Variants in DDX10 observed in about 807,000 individuals in gnomAD.
DDX10 encodes the protein DEAD-box helicase 10, also known as probable ATP-dependent RNA helicase DDX10.
DDX10 carries 74 observed loss-of-function variants against 104.3 expected under a neutral mutation model. The observed-to-expected ratio is 0.71, with a 90% CI of 0.59 to 0.86. The LOEUF (loss-of-function observed/expected upper bound fraction) is 0.86. DDX10 is among the 40% of genes least tolerant of loss of function. DDX10 has a pLI of 0.00. For missense variants in DDX10, 952 were observed against 1,040.0 expected (o/e 0.92, Z 1.16); for synonymous variants, 351 against 353.4 (o/e 0.99, Z 0.08).
intron 16 of DDX10, among the ~76,000 whole-genome samples, chr11:108,883,040 G>A (rs1166431546): frequency 6.6e-6 from 1 of 152,128 alleles, no homozygotes; most frequent in African/African-American, 2.4e-5. Context: ...TAAAGGAGCA[G>A]GAAAGGGATA....
chr11:108,781,876 TA>T (rs1365504800), intron 13 of DDX10, among the ~76,000 whole-genome samples: 1 of 152,162 alleles, frequency 6.6e-6, no homozygotes, highest in Admixed American at 6.5e-5. Context: ...TTAAAGGTGT[TA>T]AAAATGCTTC....
At chr11:108,877,645 T>C (rs1863170264) in intron 16 of DDX10, among the ~76,000 whole-genome samples, 1 of 152,220 alleles carries the variant, frequency 6.6e-6, no homozygotes, top group African/African-American at 2.4e-5. Context: ...TAATTTACAC[T>C]GTCTACATTT....
chr11:108,766,272 G>A (rs538836058), intron 13 of DDX10, among the ~76,000 whole-genome samples: 5 of 152,208 alleles, frequency 3.3e-5, no homozygotes, highest in South Asian at 2.1e-4. Context: ...ATTTTGTATC[G>A]TATCCGCTGT....
At chr11:108,812,550 A>G (rs1271144522) in intron 13 of DDX10, among the ~76,000 whole-genome samples, 3 of 152,190 alleles carry the variant, frequency 2.0e-5, no homozygotes, top group Non-Finnish European at 4.4e-5. Flanking sequence ...CTGAATTGCA[A>G]TTTTGTACTT....
intron 13 of DDX10, among the ~76,000 whole-genome samples, chr11:108,731,082 C>T (rs1398240747): frequency 2.7e-5 from 4 of 149,410 alleles, no homozygotes; most frequent in East Asian, 2.0e-4. Context: ...GACGGAGTCT[C>T]GCTGTGTCAC....
At chr11:108,838,672 A>G in intron 14 of DDX10, 107 bp downstream of exon 14, 1 of 1,275,642 alleles carries the variant, frequency 7.8e-7, no homozygotes, top group Non-Finnish European at 1.1e-6. Flanking sequence ...GTTTCTCTAC[A>G]GCATGCTGGG....
At chr11:108,901,874 A>G (rs1440518733) in intron 16 of DDX10, among the ~76,000 whole-genome samples, 1 of 152,238 alleles carries the variant, frequency 6.6e-6, no homozygotes, top group Non-Finnish European at 1.5e-5. Flanking sequence ...ATCTTAAAAT[A>G]TACTAGGTAA....
intron 13 of DDX10, among the ~76,000 whole-genome samples, chr11:108,755,938 T>TTCTC (rs914600567): frequency 6.6e-6 from 1 of 150,984 alleles, no homozygotes; most frequent in Non-Finnish European, 1.5e-5. Context: ...GCCTTTTTCT[T>TTCTC]TCTCTCTCTC....
intron 13 of DDX10, among the ~76,000 whole-genome samples, chr11:108,795,820 T>C (rs906104067): frequency 3.3e-5 from 5 of 152,178 alleles, no homozygotes; most frequent in African/African-American, 1.2e-4. Context: ...CATGTGTCTT[T>C]ATAGTAGCAT....
intron 13 of DDX10, among the ~76,000 whole-genome samples, chr11:108,834,134 T>A (rs1862513944): frequency 6.6e-6 from 1 of 151,194 alleles, no homozygotes; most frequent in Non-Finnish European, 1.5e-5. Context: ...TTTTTTTTTT[T>A]TTTTTTTAAT....
At chr11:108,679,632 A>T in intron 6 of DDX10, 72 bp downstream of exon 6, 4 of 1,155,336 alleles carry the variant, frequency 3.5e-6, no homozygotes, top group Non-Finnish European at 4.8e-6. Context: ...TATTTTAAAT[A>T]TCTGTTTTCT....
intron 6 of DDX10, among the ~76,000 whole-genome samples, chr11:108,687,750 T>C (rs902208428): frequency 2.0e-5 from 3 of 152,248 alleles, no homozygotes; most frequent in Non-Finnish European, 2.9e-5. Flanking sequence ...CTTTTGATAG[T>C]GTGTTTCACA....
intron 13 of DDX10, among the ~76,000 whole-genome samples, chr11:108,800,086 C>T (rs1022540381): frequency 9.9e-5 from 15 of 151,894 alleles, no homozygotes; most frequent in African/African-American, 2.2e-4. Context: ...TACAGGCATG[C>T]GCGCCACTGC....
In DDX10 at chr11:108,838,585, TCATTTCTGAGGTG is replaced by T; in HGVS notation, c.2085+26_2085+38del. 1 of 1,598,458 alleles carries T rather than the reference TCATTTCTGAGGTG, an allele frequency of 6.3e-7. No homozygotes were observed. The stretch of plus-strand genomic sequence containing the variant: ...GGGGAGGTAAGATTCTAGAAGTGTT[TCATTTCTGAGGTG>T]CATTTGGAGTATTAGAAGAGATCGA... On this transcript the variant is annotated intron_variant, in intron 14 of 17. Coordinates refer to ENST00000322536, the MANE Select transcript of DDX10 (RefSeq NM_004398.4).
chr11:108,852,503 C>T (rs535710525), intron 16 of DDX10, among the ~76,000 whole-genome samples: 1 of 152,288 alleles, frequency 6.6e-6, no homozygotes, highest in Non-Finnish European at 1.5e-5. Flanking sequence ...ATATATTTTG[C>T]ATCTATTAAA....
chr11:108,902,801 A>G (rs1169226251), intron 16 of DDX10, among the ~76,000 whole-genome samples: 2 of 152,084 alleles, frequency 1.3e-5, no homozygotes, highest in Admixed American at 1.3e-4. Flanking sequence ...TAGATTGACC[A>G]TTTCAGAGAA....
chr11:108,666,681 C>T lies in DDX10; in HGVS notation c.186+1342C>T, dbSNP rs188033387. Among the ~76,000 whole-genome samples, 142 of 152,298 alleles carry T rather than the reference C, an allele frequency of 9.3e-4. 1 individual carries two copies. The highest frequency in any genetic ancestry group is 3.0e-3 in the African/African-American group (125 of 41,554). ...GCTGGCATTCCTTGGCCTGTGGCTG[C>T]ATAACTCCAGTCTCTGCCTTCTCCT... On this transcript the variant is annotated intron_variant, in intron 1 of 17. Transcript: ENST00000322536.
At chr11:108,900,969 C>T (rs912004807) in intron 16 of DDX10, among the ~76,000 whole-genome samples, 5 of 152,262 alleles carry the variant, frequency 3.3e-5, no homozygotes, top group African/African-American at 1.2e-4. Context: ...CTACATGTTC[C>T]ATTCCTCATT....
At chr11:108,718,084 G>C (rs1474890766) in intron 11 of DDX10, among the ~76,000 whole-genome samples, 1 of 151,964 alleles carries the variant, frequency 6.6e-6, no homozygotes, top group African/African-American at 2.4e-5. Context: ...AGAATTCCTT[G>C]AACCCTGGAA....
Sources: allele counts gnomAD v4.1 joint callset (sites outside exome capture counted in the v4.1 genomes callset), GRCh38; gene constraint gnomAD v4.1.1; transcripts MANE v1.5; gene names NCBI Gene and HGNC (gene_info 2026-07-23, HGNC 2026-07-21).